The following MAP2 variants were observed in gnomAD, a reference collection of about 807,000 sequenced individuals.
MAP2 encodes microtubule associated protein 2, also known as microtubule-associated protein 2.
MAP2 carries 14 observed loss-of-function variants against 137.6 expected under a neutral mutation model. The ratio of observed to expected loss-of-function variants is 0.10; its 90% CI spans 0.07 to 0.16. The LOEUF is 0.16. Ranked by LOEUF, MAP2 falls within the 10% of genes least tolerant of loss-of-function variation. The pLI, the probability that MAP2 is intolerant of heterozygous loss-of-function variation, is 1.00. For synonymous variants in MAP2, 786 were observed against 782.3 expected (o/e 1.00, Z -0.08); for missense variants, 2,088 against 2,191.5 (o/e 0.95, Z 0.94).
chr2:209,477,739 A>G (rs1382715134), intron 1 of MAP2, among the ~76,000 whole-genome samples: 1 of 151,948 alleles, frequency 6.6e-6, no homozygotes, highest in Non-Finnish European at 1.5e-5. Context: ...GCTCACGCCT[A>G]TAATCCTGGT....
In MAP2 at chr2:209,693,260, G is replaced by A; in HGVS notation, c.1090G>A (p.Asp364Asn). 6.2e-7 allele frequency: 1 copy of A among 1,614,036 alleles called. No individual in the cohort carries two copies. ...QQTSGPATAK[D>N]SFKIEEPHEA... ...AACCAGTGGCCCAGCTACTGCCAAA[G>A]ATAGTTTTAAAATTGAAGAGCCCCA... is the stretch of plus-strand genomic sequence containing the variant. Residue 364 changes from aspartate (D) to asparagine (N), a missense_variant, in exon 8 of 16, where the codon GAT becomes AAT. Asp to Asn is a conservative substitution (Grantham distance 23). This residue lies in a region of MAP2 where 859 missense variants were observed against 794.5 expected (regional missense o/e 1.08). Coordinates refer to ENST00000682079, the MANE Select transcript of MAP2 (RefSeq NM_001375505.1).
At chr2:209,434,839 A>ATATGT (rs1695316732) in intron 1 of MAP2, among the ~76,000 whole-genome samples, 5 of 115,012 alleles carry the variant, frequency 4.3e-5, no homozygotes, top group African/African-American at 1.7e-4. Flanking sequence ...CTCTCTATAT[A>ATATGT]TATATATATG....
intron 14 of MAP2, 44 bp from the exon 15 acceptor site, chr2:209,729,806 C>G (rs927520790): frequency 4.5e-6 from 6 of 1,333,228 alleles, no homozygotes; most frequent in Non-Finnish European, 2.1e-6. Context: ...ATAGTTACCA[C>G]GAATGCAAGA....
intron 1 of MAP2, among the ~76,000 whole-genome samples, chr2:209,432,800 T>C (rs935836075): frequency 6.6e-6 from 1 of 152,118 alleles, no homozygotes; most frequent in Non-Finnish European, 1.5e-5. Flanking sequence ...GTACAGGGAA[T>C]AAAACCACCT....
At chr2:209,565,847 G>A (rs1367019890) in intron 2 of MAP2, among the ~76,000 whole-genome samples, 1 of 152,098 alleles carries the variant, frequency 6.6e-6, no homozygotes, top group South Asian at 2.1e-4. Context: ...GTTTTCTCTT[G>A]TTATTTGCTC....
At chr2:209,482,647 G>C (rs774499267) in intron 1 of MAP2, among the ~76,000 whole-genome samples, 17 of 152,082 alleles carry the variant, frequency 1.1e-4, no homozygotes, top group Non-Finnish European at 1.9e-4. Context: ...TTATCTCAAA[G>C]AACTCTGGGA....
intron 6 of MAP2, among the ~76,000 whole-genome samples, chr2:209,679,343 A>G (rs970816580): frequency 1.0e-5 from 1 of 98,868 alleles, no homozygotes; most frequent in Admixed American, 8.6e-5. Flanking sequence ...AGATAGATAG[A>G]TAGATAGATA....
intron 4 of MAP2, among the ~76,000 whole-genome samples, chr2:209,632,869 A>C (rs555919419): frequency 8.6e-4 from 131 of 152,252 alleles, no homozygotes; most frequent in African/African-American, 2.4e-3. Flanking sequence ...AGAACCTTTC[A>C]GTGGCCTTTG....
chr2:209,638,136 G>A (rs1251184466), intron 4 of MAP2, among the ~76,000 whole-genome samples: 1 of 152,024 alleles, frequency 6.6e-6, no homozygotes, highest in African/African-American at 2.4e-5. Context: ...AGGCCTGGAG[G>A]ATTTAGCAAA....
intron 10 of MAP2, among the ~76,000 whole-genome samples, chr2:209,697,294 G>T (rs2060445821): frequency 6.6e-6 from 1 of 151,976 alleles, no homozygotes; most frequent in African/African-American, 2.4e-5. Flanking sequence ...TCTTGGCATT[G>T]TGCTCTAGTG....
chr2:209,565,654 G>T (rs1041347677), intron 2 of MAP2, among the ~76,000 whole-genome samples: 1 of 151,898 alleles, frequency 6.6e-6, no homozygotes, highest in African/African-American at 2.4e-5. Flanking sequence ...TCTCACATTT[G>T]TCATACAATT....
At chr2:209,708,273 T>C (rs1447504230) in intron 12 of MAP2, among the ~76,000 whole-genome samples, 1 of 152,180 alleles carries the variant, frequency 6.6e-6, no homozygotes, top group Non-Finnish European at 1.5e-5. Context: ...GAAATTCTTG[T>C]GAAAAGCAAT....
At chr2:209,615,827 T>C (rs1353694799) in intron 3 of MAP2, among the ~76,000 whole-genome samples, 2 of 152,180 alleles carry the variant, frequency 1.3e-5, no homozygotes, top group Non-Finnish European at 2.9e-5. Flanking sequence ...ATTTTACATA[T>C]ACCTACTCTT....
chr2:209,610,812 T>C (rs2086586285), intron 3 of MAP2, among the ~76,000 whole-genome samples: 1 of 152,158 alleles, frequency 6.6e-6, no homozygotes, highest in African/African-American at 2.4e-5. Context: ...ATTCTCTAAA[T>C]TCCAATTAGC....
At chr2:209,442,819 A>T (rs1043685263) in intron 1 of MAP2, among the ~76,000 whole-genome samples, 1 of 151,658 alleles carries the variant, frequency 6.6e-6, no homozygotes, top group African/African-American at 2.4e-5. Context: ...AGGTCATGGA[A>T]CTATTCCAAG....
chr2:209,550,385 A>G (rs2068930325), intron 2 of MAP2, among the ~76,000 whole-genome samples: 1 of 152,182 alleles, frequency 6.6e-6, no homozygotes, highest in South Asian at 2.1e-4. Flanking sequence ...TTTTAGTAGT[A>G]AAGAGTCATG....
At chr2:209,502,808 GT>G (rs1446599084) in intron 1 of MAP2, among the ~76,000 whole-genome samples, 5 of 151,896 alleles carry the variant, frequency 3.3e-5, no homozygotes, top group Admixed American at 6.6e-5. Flanking sequence ...TCTCATTGTG[GT>G]TTTGATTTTC....
At chr2:209,511,791 C>G (rs1199517332) in intron 2 of MAP2, among the ~76,000 whole-genome samples, 3 of 152,036 alleles carry the variant, frequency 2.0e-5, no homozygotes, top group Admixed American at 6.6e-5. Flanking sequence ...AGGCTTGTCT[C>G]AAACTCCTGG....
chr2:209,470,547 G>T (rs16842929), intron 1 of MAP2, among the ~76,000 whole-genome samples: 10,023 of 151,526 alleles, frequency 0.066, 420 homozygotes, highest in African/African-American at 0.1. Context: ...TGTAAAATAA[G>T]TGATGTCACT....
Sources: gnomAD v4.1 joint callset for allele counts (sites outside exome capture counted in the v4.1 genomes callset) on GRCh38, gnomAD v4.1.1 for gene constraint, gnomAD v4.1.1 regional missense constraint, MANE v1.5 for transcripts, NCBI Gene and HGNC (gene_info 2026-07-23, HGNC 2026-07-21) for gene names.